MARCHF1: variants seen among roughly 807,000 people sequenced by gnomAD.
MARCHF1 encodes E3 ubiquitin-protein ligase MARCHF1.
In MARCHF1, 40 loss-of-function variants were observed where a neutral mutation model predicts 54.2. That is an observed-to-expected ratio of 0.74 (90% CI 0.57 to 0.96). The LOEUF (loss-of-function observed/expected upper bound fraction) is 0.96, where lower values mean the gene tolerates loss of function less well. Ranked by LOEUF, MARCHF1 falls within the 40% of genes least tolerant of loss-of-function variation. MARCHF1 has a pLI of 0.00. For missense variants in MARCHF1, 586 were observed against 656.5 expected, an observed-to-expected ratio of 0.89 and a Z score of 1.17; for synonymous variants, 236 against 236.3, an observed-to-expected ratio of 1.00 and a Z score of 0.01.
chr4:164,130,467 T>C (rs1251504393), intron 1 of MARCHF1, among the ~76,000 whole-genome samples: 1 of 152,196 alleles, frequency 6.6e-6, no homozygotes, highest in East Asian at 1.9e-4. Flanking sequence ...CATTTCATTT[T>C]ATTGTTTCAA....
chr4:164,097,739 C>A (rs1755446482), intron 2 of MARCHF1, among the ~76,000 whole-genome samples: 1 of 152,204 alleles, frequency 6.6e-6, no homozygotes, highest in South Asian at 2.1e-4. Context: ...CTAGGATCAA[C>A]TACATTTTCC....
chr4:163,739,374 C>T (rs1746132589), intron 4 of MARCHF1, among the ~76,000 whole-genome samples: 1 of 152,118 alleles, frequency 6.6e-6, no homozygotes, highest in African/African-American at 2.4e-5. Context: ...AGTTATTATT[C>T]ACAAATTATG....
At chr4:163,668,544 G>A (rs143237942) in intron 5 of MARCHF1, among the ~76,000 whole-genome samples, 23 of 152,258 alleles carry the variant, frequency 1.5e-4, no homozygotes, top group Admixed American at 3.9e-4. Flanking sequence ...AACAAGTGGG[G>A]TGGTCTTTAG....
intron 3 of MARCHF1, among the ~76,000 whole-genome samples, chr4:163,872,841 G>A (rs1750198531): frequency 1.3e-5 from 2 of 151,538 alleles, no homozygotes; most frequent in South Asian, 4.2e-4. Flanking sequence ...TCAGGAAATC[G>A]AGACCATCCT....
At chr4:164,062,041 T>C (rs1187310582) in intron 2 of MARCHF1, among the ~76,000 whole-genome samples, 1 of 152,236 alleles carries the variant, frequency 6.6e-6, no homozygotes, top group African/African-American at 2.4e-5. Flanking sequence ...TCAAACCTCT[T>C]AAGCCCTCCT....
At chr4:163,965,770 A>G (rs1365315462) in intron 3 of MARCHF1, among the ~76,000 whole-genome samples, 2 of 152,104 alleles carry the variant, frequency 1.3e-5, no homozygotes, top group Non-Finnish European at 2.9e-5. Context: ...TACAACTGAA[A>G]AACTACATAA....
intron 9 of MARCHF1, among the ~76,000 whole-genome samples, chr4:163,542,045 T>C (rs978084703): frequency 6.6e-6 from 1 of 152,240 alleles, no homozygotes; most frequent in African/African-American, 2.4e-5. Flanking sequence ...CCACGGACAC[T>C]GCTTCTTGAT....
rs1738345736 is a variant in MARCHF1 at position 163,531,424 on chromosome 4, A to T, written c.1340-2378T>A. Among the ~76,000 whole-genome samples the T allele has an allele frequency of 2.6e-5, 4 of 151,880 alleles. No individual in the cohort carries two copies. The South Asian group carries it at 6.2e-4, about 24-fold the overall frequency. On this transcript the variant is annotated intron_variant, in intron 9 of 9. Transcript: ENST00000514618. ...ATTTGACAAAATACGACGCTCAATC[A>T]TGATAAAAACTAGGAACGGAAGGGA...
chr4:164,319,368 C>G (rs1441155331), intron 1 of MARCHF1, among the ~76,000 whole-genome samples: 1 of 151,650 alleles, frequency 6.6e-6, no homozygotes, highest in Non-Finnish European at 1.5e-5. Flanking sequence ...GGAACCAATT[C>G]CCCATGGATA....
At chr4:164,102,900 A>G (rs1238732198) in intron 2 of MARCHF1, among the ~76,000 whole-genome samples, 1 of 101,570 alleles carries the variant, frequency 9.8e-6, no homozygotes, top group Non-Finnish European at 2.1e-5. Flanking sequence ...CGTAGGCTCA[A>G]AATAAAAGGA....
intron 1 of MARCHF1, among the ~76,000 whole-genome samples, chr4:164,149,094 G>T (rs1443339553): frequency 6.6e-6 from 1 of 152,126 alleles, no homozygotes; most frequent in Non-Finnish European, 1.5e-5. Flanking sequence ...ATTGTTTAAA[G>T]AACTTGGCAT....
chr4:163,541,254 G>A (rs1738715147), intron 9 of MARCHF1, among the ~76,000 whole-genome samples: 1 of 152,220 alleles, frequency 6.6e-6, no homozygotes, highest in African/African-American at 2.4e-5. Flanking sequence ...AGTCAGCCAT[G>A]AAAACAAAGT....
At chr4:164,261,034 A>G (rs10034630) in intron 1 of MARCHF1, among the ~76,000 whole-genome samples, 17,415 of 151,792 alleles carry the variant, frequency 0.11, 1,565 homozygotes, top group African/African-American at 0.25. Flanking sequence ...TAAATAAAAG[A>G]GAGATTTGGA....
intron 3 of MARCHF1, among the ~76,000 whole-genome samples, chr4:163,948,243 A>G (rs1441661356): frequency 2.0e-5 from 3 of 152,244 alleles, no homozygotes; most frequent in African/African-American, 7.2e-5. Context: ...TAGTCAAATC[A>G]GGTAATATCA....
At chr4:163,563,461 T>G (rs1739538550) in intron 8 of MARCHF1, among the ~76,000 whole-genome samples, 2 of 152,198 alleles carry the variant, frequency 1.3e-5, no homozygotes, top group Non-Finnish European at 2.9e-5. Flanking sequence ...CTAGTCACCA[T>G]TCAAAACCAG....
intron 4 of MARCHF1, among the ~76,000 whole-genome samples, chr4:163,734,272 T>G (rs1024776708): frequency 6.6e-6 from 1 of 152,144 alleles, no homozygotes; most frequent in African/African-American, 2.4e-5. Context: ...TTTGGCAACT[T>G]CTTAAAAAGT....
At chr4:163,596,334 G>A (rs567369238) in intron 7 of MARCHF1, among the ~76,000 whole-genome samples, 1 of 152,000 alleles carries the variant, frequency 6.6e-6, no homozygotes, top group Non-Finnish European at 1.5e-5. Flanking sequence ...AAGGTCAGGA[G>A]ATTAAGACCA....
In MARCHF1 at chr4:163,585,840, A is replaced by G; in HGVS notation, c.1100T>C (p.Leu367Pro). The change falls in exon 8 of 10, where the codon CTC becomes CCC. Residue 367 changes from leucine (L) to proline (P), a missense_variant. Coordinates refer to ENST00000514618, the MANE Select transcript of MARCHF1 (RefSeq NM_001394959.1). ...ATCTGAGCTCTTTATCCACTGGTGG[A>G]GGCAGGACTGGTGGACAAAGCGCAG... ...GTLRFVHQSC[L>P]HQWIKSSDTR... 6.2e-7 allele frequency: 1 copy of G among 1,614,002 alleles called. No individual in the cohort carries two copies. The highest frequency in any genetic ancestry group is 8.5e-7 in the Non-Finnish European group (1 of 1,179,902).
chr4:163,585,287 T>G (rs552088966), intron 8 of MARCHF1: 2 of 152,460 alleles, frequency 1.3e-5, no homozygotes, highest in South Asian at 4.1e-4. Context: ...AGTACACACT[T>G]TATAGAAGAA....
Sources: allele counts gnomAD v4.1 joint callset (sites outside exome capture counted in the v4.1 genomes callset), GRCh38; gene constraint gnomAD v4.1.1; transcripts MANE v1.5; gene names NCBI Gene and HGNC (gene_info 2026-07-23, HGNC 2026-07-21).